The following ATXN7L3B variants were observed in gnomAD, a reference collection of about 807,000 sequenced individuals.
The protein encoded by ATXN7L3B is ataxin 7 like 3B.
A neutral mutation model predicts 6.3 loss-of-function variants in ATXN7L3B; 4 were observed. That is an observed-to-expected ratio of 0.63 (90% CI 0.31 to 1.45). ATXN7L3B has a LOEUF of 1.45. Among genes scored for constraint, ATXN7L3B ranks in the 40% most tolerant of loss-of-function variants. The pLI is 0.07. For missense variants in ATXN7L3B, 120 were observed against 118.5 expected (o/e 1.01, Z -0.06); for synonymous variants, 63 against 48.0 (o/e 1.31, Z -1.29).
chr12:74,540,699 TC>T lies in ATXN7L3B; in HGVS notation c.*2295del, dbSNP rs1422585138. 1.3e-4 allele frequency: 21 copies of T among 167,074 alleles called. No homozygotes were observed. Among genetic ancestry groups the T allele is most frequent in the African/African-American group, 4.8e-4 (20 of 41,458 alleles). 10.3% of individuals were successfully genotyped at this position (167,074 alleles called of 1,614,324 possible). On this transcript the variant is annotated 3_prime_UTR_variant, in exon 1 of 1. Coordinates refer to ENST00000519948, the MANE Select transcript of ATXN7L3B (RefSeq NM_001136262.2). ...AGTCTAAGTGAGACTCTGGCCTACT[TC>T]CTAACAATGTCTTGGAAGTGGGATG... is the stretch of plus-strand genomic sequence containing the variant.
rs1868815062 is a variant in ATXN7L3B, at chr12:74,539,212, T to C, written c.*806T>C. 1 of 167,172 alleles carries C rather than the reference T, an allele frequency of 6.0e-6. No homozygotes were observed. The highest frequency in any genetic ancestry group is 2.4e-5 in the African/African-American group (1 of 41,456). 10.4% of individuals were successfully genotyped at this position (167,172 alleles called of 1,614,324 possible). A position where few individuals can be genotyped will look rare whatever the true frequency, so the allele number is the denominator to read the frequency against. On this transcript the variant is annotated 3_prime_UTR_variant, in exon 1 of 1. Coordinates refer to ENST00000519948, the MANE Select transcript of ATXN7L3B (RefSeq NM_001136262.2). ...TAGCAGGGACCTCTGCAACTATGCA[T>C]GATTTCTCAAACTTCAAGATTCATG...
chr12:74,537,843 G>A lies in ATXN7L3B; in HGVS notation c.-270G>A. 1 of 448,236 alleles carries A rather than the reference G, an allele frequency of 2.2e-6. No homozygotes were observed. The highest frequency in any genetic ancestry group is 4.0e-5 in the Admixed American group (1 of 24,756). 27.8% of individuals were successfully genotyped at this position (448,236 alleles called of 1,614,324 possible). ...GGGAGCGGAAGAGGCCCAGGAGGCT[G>A]GGTGAGGCGCTGAGACGGTTTGGCG... On this transcript the variant is annotated 5_prime_UTR_variant, in exon 1 of 1. Coordinates refer to ENST00000519948, the MANE Select transcript of ATXN7L3B (RefSeq NM_001136262.2).
rs989001757 is a variant in ATXN7L3B, at chr12:74,542,001, T to G, written c.*3595T>G. On this transcript the variant is annotated 3_prime_UTR_variant, in exon 1 of 1. Coordinates refer to ENST00000519948, the MANE Select transcript of ATXN7L3B (RefSeq NM_001136262.2). ...CTAGAAACTACTTAGTGATCCTGTG[T>G]CCTAATCAGTCTCTTGCTATGTGTT... 6 of 152,200 alleles carry G rather than the reference T, an allele frequency of 3.9e-5. No individual in the cohort carries two copies. Among genetic ancestry groups the G allele is most frequent in the African/African-American group, 1.2e-4 (5 of 41,456 alleles). 9.4% of individuals were successfully genotyped at this position (152,200 alleles called of 1,614,324 possible).
chr12:74,538,386 T>C lies in ATXN7L3B; in HGVS notation c.274T>C (p.Ser92Pro), dbSNP rs1167326438. The change falls in exon 1 of 1, where the codon TCA (serine) becomes CCA (proline). Residue 92 changes from serine to proline, a missense_variant. Ser to Pro is a moderately conservative substitution (Grantham distance 74). Coordinates refer to ENST00000519948, the MANE Select transcript of ATXN7L3B (RefSeq NM_001136262.2). ...TGGGCCTGATCAGCAGCTGCAGCGC[T>C]CACCTCCGGAATTCCAGTAGCTGCA... The part of the protein sequence containing the change: ...GNGPDQQLQR[S>P]PPEFQ 1 of 1,551,268 alleles carries C rather than the reference T, an allele frequency of 6.4e-7. No individual in the cohort carries two copies. Among genetic ancestry groups the C allele is most frequent in the Non-Finnish European group, 8.7e-7 (1 of 1,146,664 alleles).
At position 74,538,752 on chromosome 12, in the gene ATXN7L3B, C is replaced by T. The variant is rs1868797264; in HGVS notation, c.*346C>T. ...CCAGCATATAAAATTTTTGGTTCCTCAGCCTTTCTGTCTGCCTGATGTCAA... is the reference window on the plus strand; with the variant it reads ...CCAGCATATAAAATTTTTGGTTCCTTAGCCTTTCTGTCTGCCTGATGTCAA... On this transcript the variant is annotated 3_prime_UTR_variant, in exon 1 of 1. Coordinates refer to ENST00000519948, the MANE Select transcript of ATXN7L3B (RefSeq NM_001136262.2). The T allele has an allele frequency of 7.7e-6, 2 of 259,340 alleles. No individual in the cohort carries two copies. Among genetic ancestry groups the T allele is most frequent in the African/African-American group, 4.5e-5 (2 of 44,694 alleles). The allele number at this position is 259,340 out of a possible 1,614,324, so 16.1% of individuals were successfully genotyped here. A position where few individuals can be genotyped will look rare whatever the true frequency, so the allele number is the denominator to read the frequency against.
At position 74,544,826 on chromosome 12, in the gene ATXN7L3B, C is replaced by A. The variant is rs1868983600; in HGVS notation, c.*6420C>A. 1 of 151,708 alleles carries A rather than the reference C, an allele frequency of 6.6e-6. No individual in the cohort carries two copies. Among genetic ancestry groups the A allele is most frequent in the Non-Finnish European group, 1.5e-5 (1 of 67,760 alleles). 9.4% of individuals were successfully genotyped at this position (151,708 alleles called of 1,614,324 possible). On this transcript the variant is annotated 3_prime_UTR_variant, in exon 1 of 1. Transcript: ENST00000519948. ...TAAATCATACTAGAAACAAACAAAC[C>A]AATAACCTGATGTGCTAGTTGTTTA...
chr12:74,542,143 A>G lies in ATXN7L3B; in HGVS notation c.*3737A>G, dbSNP rs577134235. 36 of 152,314 alleles carry G rather than the reference A, an allele frequency of 2.4e-4. No individual in the cohort carries two copies. Among genetic ancestry groups the G allele is most frequent in the African/African-American group, 8.4e-4 (35 of 41,566 alleles). 9.4% of individuals were successfully genotyped at this position (152,314 alleles called of 1,614,324 possible). ...CCTCAGGGAAGCTTATAGATGTGTA[A>G]CATGGTATTGAGTCTTCTCTTCTAG... On this transcript the variant is annotated 3_prime_UTR_variant, in exon 1 of 1. Coordinates refer to ENST00000519948, the MANE Select transcript of ATXN7L3B (RefSeq NM_001136262.2).
chr12:74,542,809 TC>T lies in ATXN7L3B; in HGVS notation c.*4404del, dbSNP rs776141655. 27 of 152,174 alleles carry T rather than the reference TC, an allele frequency of 1.8e-4. No individual in the cohort carries two copies. Among genetic ancestry groups the T allele is most frequent in the Admixed American group, 3.3e-4 (5 of 15,280 alleles). 9.4% of individuals were successfully genotyped at this position (152,174 alleles called of 1,614,324 possible). On this transcript the variant is annotated 3_prime_UTR_variant, in exon 1 of 1. Transcript: ENST00000519948. ...CCTATCTGAAGTGTTGTGAAGTTTT[TC>T]TTACAATTTTTTAAAAGAGATTTAT...
Position 74,540,073 on chromosome 12 carries a change from GT to G in ATXN7L3B, c.*1679del, listed in dbSNP as rs58069390. 112,378 of 156,086 alleles carry G rather than the reference GT, an allele frequency of 0.72. 42,616 individuals carry two copies. Among genetic ancestry groups the G allele is most frequent in the East Asian group, 0.89 (4,499 of 5,054 alleles). The allele number at this position is 156,086 out of a possible 1,614,324, so 9.7% of individuals were successfully genotyped here. ...CCCAATTTCTTTTTTCTTGGCCTCTGTTTTTTTTTTTTCTTTCTTTTTCCCT... is the reference window on the plus strand; with the variant it reads ...CCCAATTTCTTTTTTCTTGGCCTCTGTTTTTTTTTTTCTTTCTTTTTCCCT... On this transcript the variant is annotated 3_prime_UTR_variant, in exon 1 of 1. Coordinates refer to ENST00000519948, the MANE Select transcript of ATXN7L3B (RefSeq NM_001136262.2).
chr12:74,540,837 G>C lies in ATXN7L3B; in HGVS notation c.*2431G>C, dbSNP rs1253032598. 1.2e-5 allele frequency: 2 copies of C among 167,044 alleles called. No individual in the cohort carries two copies. The highest frequency in any genetic ancestry group is 1.3e-4 in the Admixed American group (2 of 15,284). 10.3% of individuals were successfully genotyped at this position (167,044 alleles called of 1,614,324 possible). Reference sequence around the variant, plus strand: ...TTTCTCCTGGTTAGAGGAGGAAGCGGAAAGTAGTTTTGAGTAGTATTTTGT... The same window carrying C: ...TTTCTCCTGGTTAGAGGAGGAAGCGCAAAGTAGTTTTGAGTAGTATTTTGT... On this transcript the variant is annotated 3_prime_UTR_variant, in exon 1 of 1. Coordinates refer to ENST00000519948, the MANE Select transcript of ATXN7L3B (RefSeq NM_001136262.2).
rs1454244270 is a variant in ATXN7L3B, at chr12:74,545,029, A to G, written c.*6623A>G. 6.6e-6 allele frequency: 1 copy of G among 152,080 alleles called. No individual in the cohort carries two copies. Among genetic ancestry groups the G allele is most frequent in the Non-Finnish European group, 1.5e-5 (1 of 67,920 alleles). 9.4% of individuals were successfully genotyped at this position (152,080 alleles called of 1,614,324 possible). The stretch of plus-strand genomic sequence containing the variant: ...AAAATACCAATTTACCCTACTCAGT[A>G]TGATTAAATTTTTTTAAATGGTGAT... On this transcript the variant is annotated 3_prime_UTR_variant, in exon 1 of 1. Transcript: ENST00000519948.
At position 74,539,451 on chromosome 12, in the gene ATXN7L3B, T is replaced by C. The variant is rs978665855; in HGVS notation, c.*1045T>C. The C allele has an allele frequency of 6.0e-6, 1 of 167,334 alleles. No homozygotes were observed. Among genetic ancestry groups the C allele is most frequent in the African/African-American group, 2.4e-5 (1 of 41,476 alleles). The allele number at this position is 167,334 out of a possible 1,614,324, so 10.4% of individuals were successfully genotyped here. ...ACTGAGCCCAGAGGGCACTTTCAGCTGCCCTCAATAATGTGAATGGATTAG... is the reference window on the plus strand; with the variant it reads ...ACTGAGCCCAGAGGGCACTTTCAGCCGCCCTCAATAATGTGAATGGATTAG... On this transcript the variant is annotated 3_prime_UTR_variant, in exon 1 of 1. Coordinates refer to ENST00000519948, the MANE Select transcript of ATXN7L3B (RefSeq NM_001136262.2).
In ATXN7L3B at chr12:74,543,907, G is replaced by C. The variant is rs576886156; in HGVS notation, c.*5501G>C. 5.5e-4 allele frequency: 83 copies of C among 152,124 alleles called. No homozygotes were observed. The highest frequency in any genetic ancestry group is 2.0e-3 in the African/African-American group (82 of 41,562). 9.4% of individuals were successfully genotyped at this position (152,124 alleles called of 1,614,324 possible). On this transcript the variant is annotated 3_prime_UTR_variant, in exon 1 of 1. Transcript: ENST00000519948. The stretch of plus-strand genomic sequence containing the variant: ...TACTATACTTATTAATGAATACTTG[G>C]AAGCACTCCCTTTAAAAGCAGGAAT...
At position 74,538,259 on chromosome 12, in the gene ATXN7L3B, G is replaced by A; in HGVS notation, c.147G>A (p.Glu49=). ...TCAAGTGTGGCTACTTCTACCTGGA[G>A]TTCGCAGAGACTGGTAGCGTGAAGG... ...RAVKCGYFYL[E]FAETGSVKDF... The change falls in exon 1 of 1, where the codon GAG becomes GAA. Residue 49 remains glutamate (E), a synonymous_variant. Transcript: ENST00000519948. 1 of 1,588,480 alleles carries A rather than the reference G, an allele frequency of 6.3e-7. No homozygotes were observed. The highest frequency in any genetic ancestry group is 8.6e-7 in the Non-Finnish European group (1 of 1,167,270).
rs1565675646 is a variant in ATXN7L3B, at chr12:74,538,327, T to C, written c.215T>C (p.Leu72Pro). ...QPVEDKGACR[L>P]PLCSLPGEPG... ...GTGGAAGACAAAGGAGCGTGCCGCC[T>C]CCCGCTTTGCTCCCTTCCCGGAGAA... is the stretch of plus-strand genomic sequence containing the variant. Residue 72 changes from leucine to proline, a missense_variant, in exon 1 of 1, where the codon CTC (leucine) becomes CCC (proline). Physicochemically the swap from Leu to Pro is moderately conservative, Grantham distance 98. Transcript: ENST00000519948. The C allele has an allele frequency of 1.3e-6, 2 of 1,552,706 alleles. No homozygotes were observed. The highest frequency in any genetic ancestry group is 2.0e-5 in the Admixed American group (1 of 51,044).
rs1448777908 is a variant in ATXN7L3B, at chr12:74,544,069, TAGTG to T, written c.*5666_*5669del. On this transcript the variant is annotated 3_prime_UTR_variant, in exon 1 of 1. Transcript: ENST00000519948. The stretch of plus-strand genomic sequence containing the variant: ...GAATCTACAAACATACCATTGAAAG[TAGTG>T]AGAAAATTTAGCACAGTTACTGGAT... 2.0e-5 allele frequency: 3 copies of T among 152,108 alleles called. No homozygotes were observed. Among genetic ancestry groups the T allele is most frequent in the South Asian group, 2.1e-4 (1 of 4,832 alleles). 9.4% of individuals were successfully genotyped at this position (152,108 alleles called of 1,614,324 possible). A position where few individuals can be genotyped will look rare whatever the true frequency, so the allele number is the denominator to read the frequency against.
rs1868930147 is a variant in ATXN7L3B, at chr12:74,542,800, T to C, written c.*4394T>C. 6.6e-6 allele frequency: 1 copy of C among 152,192 alleles called. No homozygotes were observed. The highest frequency in any genetic ancestry group is 1.5e-5 in the Non-Finnish European group (1 of 67,992). 9.4% of individuals were successfully genotyped at this position (152,192 alleles called of 1,614,324 possible). A position where few individuals can be genotyped will look rare whatever the true frequency, so the allele number is the denominator to read the frequency against. ...CTCTTAAGACCTATCTGAAGTGTTG[T>C]GAAGTTTTTCTTACAATTTTTTAAA... On this transcript the variant is annotated 3_prime_UTR_variant, in exon 1 of 1. Coordinates refer to ENST00000519948, the MANE Select transcript of ATXN7L3B (RefSeq NM_001136262.2).
rs776303380 is a variant in ATXN7L3B at position 74,538,454 on chromosome 12, T to G, written c.*48T>G. ...TGGCCAGGACAATAACATAGACTGG[T>G]CCTGTGGCTTCGAGGAGTAAGCTAA... On this transcript the variant is annotated 3_prime_UTR_variant, in exon 1 of 1. Coordinates refer to ENST00000519948, the MANE Select transcript of ATXN7L3B (RefSeq NM_001136262.2). 5.3e-5 allele frequency: 78 copies of G among 1,479,180 alleles called. No homozygotes were observed. The highest frequency in any genetic ancestry group is 2.3e-5 in the Admixed American group (1 of 43,310). The allele number at this position is 1,479,180 out of a possible 1,614,324, so 91.6% of individuals were successfully genotyped here.
Position 74,538,931 on chromosome 12 carries a change from G to T in ATXN7L3B, c.*525G>T, listed in dbSNP as rs1868805417. On this transcript the variant is annotated 3_prime_UTR_variant, in exon 1 of 1. Transcript: ENST00000519948. ...ATCTGGATACTAACAGTTTCAGTTT[G>T]GGAAATCCAAGAAAAAGAATTATCA... 5.9e-6 allele frequency: 1 copy of T among 169,064 alleles called. No homozygotes were observed. Among genetic ancestry groups the T allele is most frequent in the African/African-American group, 2.4e-5 (1 of 41,440 alleles). 10.5% of individuals were successfully genotyped at this position (169,064 alleles called of 1,614,324 possible).
Sources: allele counts gnomAD v4.1 joint callset, GRCh38; gene constraint gnomAD v4.1.1; transcripts MANE v1.5; gene names NCBI Gene and HGNC (gene_info 2026-07-23, HGNC 2026-07-21).